TSNAXIP1: variants seen among roughly 807,000 people sequenced by gnomAD.
TSNAXIP1 encodes translin-associated factor X-interacting protein 1.
Under a neutral mutation model 84.8 loss-of-function variants are expected in TSNAXIP1, and 89 were observed. The observed-to-expected ratio is 1.05, with a 90% CI of 0.88 to 1.25. The LOEUF (loss-of-function observed/expected upper bound fraction) is 1.25. Ranked by LOEUF, TSNAXIP1 falls within the 50% of genes most tolerant of loss-of-function variation. TSNAXIP1 has a pLI of 0.00. For synonymous variants in TSNAXIP1, 347 were observed against 335.2 expected, an observed-to-expected ratio of 1.04 and a Z score of -0.39; for missense variants, 874 against 887.6, an observed-to-expected ratio of 0.98 and a Z score of 0.20.
Position 67,807,076 on chromosome 16 carries a change from C to G in TSNAXIP1, c.-74C>G. ...CGCGGGGGGGCCTCTGGGGCCTGGT[C>G]GCCATGGCGACCGGCTGTACGCTAC... is the stretch of plus-strand genomic sequence containing the variant. On this transcript the variant is annotated 5_prime_UTR_variant, in exon 1 of 16. Transcript: ENST00000561639. The G allele has an allele frequency of 6.6e-7, 1 of 1,515,676 alleles. No individual in the cohort carries two copies. Among genetic ancestry groups the G allele is most frequent in the Non-Finnish European group, 8.8e-7 (1 of 1,134,586 alleles). The allele number at this position is 1,515,676 out of a possible 1,614,324, so 93.9% of individuals were successfully genotyped here.
At chr16:67,824,385 C>T (rs753168328) in intron 5 of TSNAXIP1, among the ~76,000 whole-genome samples, 198 bp from the exon 6 acceptor site, 52 of 152,274 alleles carry the variant, frequency 3.4e-4, no homozygotes, top group Admixed American at 5.2e-4. Flanking sequence ...GGAGAGACCC[C>T]GGTCTTCATC....
chr16:67,823,594 C>T (rs1233777042), intron 4 of TSNAXIP1, 32 bp from the exon 5 acceptor site: 2 of 1,578,794 alleles, frequency 1.3e-6, no homozygotes, highest in Non-Finnish European at 1.7e-6. Context: ...CAGCTGTGGG[C>T]TAGGAGATGA....
intron 2 of TSNAXIP1, 113 bp downstream of exon 2, chr16:67,814,514 C>A: frequency 2.3e-6 from 2 of 866,178 alleles, no homozygotes; most frequent in Non-Finnish European, 3.7e-6. Flanking sequence ...CTGAAACATG[C>A]CCACCAGAGT....
At position 67,826,070 on chromosome 16, in the gene TSNAXIP1, T is replaced by A. The variant is rs771942398; in HGVS notation, c.1138T>A (p.Cys380Ser). The change falls in exon 9 of 16, where the codon TGC becomes AGC. Residue 380 changes from cysteine to serine, a missense_variant. Cys to Ser is a moderately radical substitution (Grantham distance 112). Transcript: ENST00000561639. ...TSTPRPDWTK[C>S]KDVVAGGPER... ...CACGCCGCGGCCTGACTGGACCAAG[T>A]GCAAAGGTGAGGGCAGCCGGCAGGG... The A allele has an allele frequency of 6.2e-7, 1 of 1,613,494 alleles. No individual in the cohort carries two copies. The highest frequency in any genetic ancestry group is 1.7e-5 in the Admixed American group (1 of 60,028).
intron 2 of TSNAXIP1, among the ~76,000 whole-genome samples, chr16:67,818,299 G>C (rs1226135112): frequency 6.6e-6 from 1 of 151,990 alleles, no homozygotes; most frequent in Non-Finnish European, 1.5e-5. Context: ...AAGACTGCTT[G>C]AGACCAGGAG....
chr16:67,807,055 G>GA lies in TSNAXIP1; in HGVS notation c.-95_-94insA, dbSNP rs915397055. On this transcript the variant is annotated 5_prime_UTR_variant, in exon 1 of 16. Transcript: ENST00000561639. ...CATCCCTGACTCCGCCCCCGCCGCG[G>GA]GGGGGCCTCTGGGGCCTGGTCGCCA... The GA allele has an allele frequency of 7.9e-5, 118 of 1,490,582 alleles. 1 individual carries two copies. In the Admixed American group the frequency reaches 1.0e-3, roughly 13 times the overall value. 92.3% of individuals were successfully genotyped at this position (1,490,582 alleles called of 1,614,324 possible). A position where few individuals can be genotyped will look rare whatever the true frequency, so the allele number is the denominator to read the frequency against.
chr16:67,819,979 C>T (rs1290287706), intron 2 of TSNAXIP1, among the ~76,000 whole-genome samples: 13 of 152,010 alleles, frequency 8.6e-5, no homozygotes, highest in Non-Finnish European at 1.8e-4. Flanking sequence ...ACACCACGCC[C>T]GGCTAATTTT....
intron 2 of TSNAXIP1, among the ~76,000 whole-genome samples, chr16:67,818,859 A>G (rs1376955431): frequency 6.6e-6 from 1 of 151,960 alleles, no homozygotes; most frequent in East Asian, 1.9e-4. Flanking sequence ...GTGCACTACC[A>G]GGCCTGGTTA....
Position 67,827,315 on chromosome 16 carries a change from G to T in TSNAXIP1, c.1731G>T (p.Gly577=). 1.2e-6 allele frequency: 2 copies of T among 1,614,188 alleles called. No homozygotes were observed. Among genetic ancestry groups the T allele is most frequent in the Non-Finnish European group, 1.7e-6 (2 of 1,180,038 alleles). Residue 577 remains glycine (G), a synonymous_variant, in exon 14 of 16, where the codon GGG becomes GGT. Coordinates refer to ENST00000561639, the MANE Select transcript of TSNAXIP1 (RefSeq NM_001288990.3). ...EEQIQELMEA[G]GWHPSSSNAD... is the part of the protein sequence containing the mutation. ...AAATCCAGGAGCTGATGGAGGCAGGGGGCTGGCATCCCAGCAGCAGCAATG... is the reference window on the plus strand; with the variant it reads ...AAATCCAGGAGCTGATGGAGGCAGGTGGCTGGCATCCCAGCAGCAGCAATG...
chr16:67,818,511 T>C (rs1228841358), intron 2 of TSNAXIP1, among the ~76,000 whole-genome samples: 1 of 151,964 alleles, frequency 6.6e-6, no homozygotes, highest in Non-Finnish European at 1.5e-5. Context: ...AGTAAGACCC[T>C]GTCTCTAAGA....
chr16:67,815,299 G>T (rs2056443919), intron 2 of TSNAXIP1, among the ~76,000 whole-genome samples: 1 of 126,462 alleles, frequency 7.9e-6, no homozygotes, highest in Admixed American at 9.6e-5. Context: ...GGACAACAGA[G>T]CAAGACTACA....
At chr16:67,825,893 C>G in intron 8 of TSNAXIP1, 24 bp from the exon 9 acceptor site, 1 of 1,614,034 alleles carries the variant, frequency 6.2e-7, no homozygotes, top group Non-Finnish European at 8.5e-7. Flanking sequence ...GGTGGGGGGC[C>G]AGGGCCAATG....
chr16:67,813,312 A>G (rs886422801), intron 1 of TSNAXIP1, among the ~76,000 whole-genome samples: 7 of 151,638 alleles, frequency 4.6e-5, no homozygotes, highest in Non-Finnish European at 1.0e-4. Flanking sequence ...GCTTGAACCC[A>G]GGAGGTGAAG....
At chr16:67,820,751 A>G in intron 2 of TSNAXIP1, 88 bp from the exon 3 acceptor site, 1 of 1,035,850 alleles carries the variant, frequency 9.7e-7, no homozygotes, top group Non-Finnish European at 1.4e-6. Context: ...CAAAAAAAAA[A>G]AGTCAGGACT....
chr16:67,824,029 A>AG (rs1470322960), intron 5 of TSNAXIP1, among the ~76,000 whole-genome samples: 1 of 151,026 alleles, frequency 6.6e-6, no homozygotes, highest in East Asian at 1.9e-4. Flanking sequence ...AAAAAAAAAA[A>AG]AAAAAAAAGA....
chr16:67,813,751 A>AG (rs1183493238), intron 1 of TSNAXIP1, among the ~76,000 whole-genome samples: 2 of 151,454 alleles, frequency 1.3e-5, no homozygotes, highest in East Asian at 3.8e-4. Context: ...AAAAAAAAAA[A>AG]AAAAGAGTTG....
At chr16:67,822,700 G>C (rs2057158840) in intron 4 of TSNAXIP1, among the ~76,000 whole-genome samples, 1 of 152,186 alleles carries the variant, frequency 6.6e-6, no homozygotes, top group Non-Finnish European at 1.5e-5. Context: ...ATTGACTAAA[G>C]CATTTACTGA....
intron 2 of TSNAXIP1, among the ~76,000 whole-genome samples, chr16:67,816,848 C>G (rs2056597777): frequency 6.6e-6 from 1 of 152,058 alleles, no homozygotes; most frequent in African/African-American, 2.4e-5. Flanking sequence ...AGACCCGGCC[C>G]TGGCAGCTGG....
intron 1 of TSNAXIP1, among the ~76,000 whole-genome samples, chr16:67,813,490 T>A (rs568200209): frequency 7.9e-5 from 12 of 151,442 alleles, no homozygotes; most frequent in African/African-American, 2.4e-4. Flanking sequence ...ATCCCAGCAT[T>A]TTGGGAGGCC....
Sources: allele counts gnomAD v4.1 joint callset (sites outside exome capture counted in the v4.1 genomes callset), GRCh38; gene constraint gnomAD v4.1.1; transcripts MANE v1.5; gene names NCBI Gene and HGNC (gene_info 2026-07-23, HGNC 2026-07-21).